Variants in COBL observed in about 807,000 individuals in gnomAD.
The protein encoded by COBL is cordon-bleu WH2 repeat protein, also known as protein cordon-bleu.
COBL carries 51 observed loss-of-function variants against 98.8 expected under a neutral mutation model. The ratio of observed to expected loss-of-function variants is 0.52; its 90% CI spans 0.41 to 0.65. The LOEUF is 0.65. COBL is among the 30% of genes least tolerant of loss of function. COBL has a pLI of 0.00. For missense variants in COBL, 1,617 were observed against 1,617.5 expected, an observed-to-expected ratio of 1.00 and a Z score of 0.01; for synonymous variants, 634 against 651.7, an observed-to-expected ratio of 0.97 and a Z score of 0.41.
At chr7:51,259,711 C>T (rs1356283891) in intron 1 of COBL, 1 of 739,802 alleles carries the variant, frequency 1.4e-6, no homozygotes, top group East Asian at 2.5e-5. Context: ...ATCCACATTT[C>T]AAAATGAGTT....
chr7:51,179,498 G>A (rs959165576), intron 5 of COBL, among the ~76,000 whole-genome samples: 13 of 151,988 alleles, frequency 8.6e-5, no homozygotes, highest in African/African-American at 2.9e-4. Flanking sequence ...GAGCCACCGC[G>A]CCCAGCCAAG....
At chr7:51,287,275 C>A (rs1800455501) in intron 1 of COBL, among the ~76,000 whole-genome samples, 1 of 151,984 alleles carries the variant, frequency 6.6e-6, no homozygotes, top group South Asian at 2.1e-4. Context: ...AAAAACAATC[C>A]CACAGAATAA....
chr7:51,179,441 G>A lies in COBL; in HGVS notation c.783+4661C>T, dbSNP rs530351869. On this transcript the variant is annotated intron_variant, in intron 5 of 12. Coordinates refer to ENST00000265136, the MANE Select transcript of COBL (RefSeq NM_015198.5). ...GGCTGGTCTCAAACTCCTGACCTCA[G>A]GTGATCCACCTGCCTCGGCCTCCCA... 9.9e-5 allele frequency among the ~76,000 whole-genome samples: 15 copies of A among 152,126 alleles called. No individual in the cohort carries two copies. The South Asian group carries it at 2.9e-3, about 30-fold the overall frequency.
At position 51,190,906 on chromosome 7, in the gene COBL, G is replaced by T; in HGVS notation, c.629C>A (p.Ser210Tyr). 1 of 1,614,104 alleles carries T rather than the reference G, an allele frequency of 6.2e-7. No homozygotes were observed. Among genetic ancestry groups the T allele is most frequent in the Non-Finnish European group, 8.5e-7 (1 of 1,180,010 alleles). The change falls in exon 4 of 13, where the codon TCC becomes TAC. Residue 210 changes from serine (S) to tyrosine (Y), a missense_variant. Physicochemically the swap from Ser to Tyr is moderately radical, Grantham distance 144. Transcript: ENST00000265136. ...DNIAGEELEL[S>Y]KSLNELGIKE... ...TATCCCGAGCTCGTTCAGGGACTTG[G>T]ACAGCTCCAGCTCCTCTCCGGCAAT...
chr7:51,188,001 A>G (rs1466019129), intron 4 of COBL: 3 of 1,229,908 alleles, frequency 2.4e-6, no homozygotes, highest in Non-Finnish European at 2.0e-6. Context: ...CAGCTTTGAG[A>G]TGTGTGGGAG....
At position 51,025,148 on chromosome 7, in the gene COBL, G is replaced by T; in HGVS notation, c.3729C>A (p.Asp1243Glu). The change falls in exon 12 of 13, where the codon GAC becomes GAA. Residue 1243 changes from aspartate to glutamate, a missense_variant. Asp to Glu is a conservative substitution (Grantham distance 45, BLOSUM62 2). Coordinates refer to ENST00000265136, the MANE Select transcript of COBL (RefSeq NM_015198.5). ...NTADARQALM[D>E]AIRSGTGAAR... Reference sequence around the variant, plus strand: ...CAGCCCCTGTGCCGGAGCGGATGGCGTCCATCAAGGCTTGCCTTGCGTCTG... The same window carrying T: ...CAGCCCCTGTGCCGGAGCGGATGGCTTCCATCAAGGCTTGCCTTGCGTCTG... The T allele has an allele frequency of 6.2e-7, 1 of 1,611,600 alleles. No individual in the cohort carries two copies. The highest frequency in any genetic ancestry group is 8.5e-7 in the Non-Finnish European group (1 of 1,179,760).
At chr7:51,155,041 ACT>A (rs1466190422) in intron 5 of COBL, among the ~76,000 whole-genome samples, 4 of 152,224 alleles carry the variant, frequency 2.6e-5, no homozygotes, top group African/African-American at 9.6e-5. Flanking sequence ...ATAATAAATG[ACT>A]CTGTCCTCAT....
At chr7:51,107,133 C>T (rs1397308564) in intron 6 of COBL, among the ~76,000 whole-genome samples, 1 of 136,324 alleles carries the variant, frequency 7.3e-6, no homozygotes, top group South Asian at 2.4e-4. Flanking sequence ...CTCACTCTGT[C>T]ACCCAGGCTG....
chr7:51,037,176 G>A (rs1788733329), intron 8 of COBL, among the ~76,000 whole-genome samples: 1 of 152,160 alleles, frequency 6.6e-6, no homozygotes. Flanking sequence ...AAGATGATCA[G>A]AGCTAGATAC....
chr7:51,309,449 T>C (rs1251333678), intron 1 of COBL, among the ~76,000 whole-genome samples: 1 of 152,180 alleles, frequency 6.6e-6, no homozygotes, highest in Non-Finnish European at 1.5e-5. Flanking sequence ...TGTCACTTTA[T>C]GTTCCTCAAA....
intron 5 of COBL, among the ~76,000 whole-genome samples, chr7:51,165,907 C>A (rs1403077515): frequency 6.6e-6 from 1 of 151,898 alleles, no homozygotes; most frequent in East Asian, 1.9e-4. Context: ...TAAAAACCTT[C>A]TTGGAACAAA....
At chr7:51,159,596 T>C (rs1786572944) in intron 5 of COBL, among the ~76,000 whole-genome samples, 1 of 152,336 alleles carries the variant, frequency 6.6e-6, no homozygotes, top group East Asian at 1.9e-4. Context: ...AGTCATGTTT[T>C]AGGGGAACAT....
intron 7 of COBL, chr7:51,065,412 G>A: frequency 1.4e-6 from 1 of 703,082 alleles, no homozygotes; most frequent in South Asian, 1.5e-5. Context: ...TCAGAAGCAA[G>A]CTCAGAAGTC....
chr7:51,030,918 G>A lies in COBL; in HGVS notation c.1407-9C>T. The A allele has an allele frequency of 6.4e-7, 1 of 1,557,092 alleles. No individual in the cohort carries two copies. Among genetic ancestry groups the A allele is most frequent in the Non-Finnish European group, 8.9e-7 (1 of 1,129,192 alleles). On this transcript the variant is annotated splice_polypyrimidine_tract_variant and intron_variant, in intron 8 of 12. Transcript: ENST00000265136. Reference sequence around the variant, plus strand: ...TGACAGCTTTTTCAGTTCTAGGGAAGACCAAAGAGAAAGGAGCACTCATTT... The same window carrying A: ...TGACAGCTTTTTCAGTTCTAGGGAAAACCAAAGAGAAAGGAGCACTCATTT...
chr7:51,278,528 G>A (rs930139455), intron 1 of COBL, among the ~76,000 whole-genome samples: 15 of 152,168 alleles, frequency 9.9e-5, no homozygotes, highest in African/African-American at 3.6e-4. Flanking sequence ...TTACAGGCGT[G>A]TGCCACCACG....
intron 2 of COBL, among the ~76,000 whole-genome samples, chr7:51,214,581 G>A (rs1792838873): frequency 6.6e-6 from 1 of 152,062 alleles, no homozygotes; most frequent in Non-Finnish European, 1.5e-5. Context: ...TCATAATCTA[G>A]AGCCTTCTGT....
At chr7:51,259,850 A>G (rs1220671189) in intron 1 of COBL, 5 of 756,262 alleles carry the variant, frequency 6.6e-6, no homozygotes, top group African/African-American at 3.4e-5. Flanking sequence ...AAGTCTTGCC[A>G]TGGTTCTCTG....
chr7:51,218,850 T>C (rs1030959547), intron 2 of COBL, among the ~76,000 whole-genome samples: 7 of 152,214 alleles, frequency 4.6e-5, no homozygotes, highest in African/African-American at 1.7e-4. Flanking sequence ...CATACAAATA[T>C]GTATGAATGC....
At chr7:51,107,755 C>A (rs1218313077) in intron 6 of COBL, among the ~76,000 whole-genome samples, 1 of 152,142 alleles carries the variant, frequency 6.6e-6, no homozygotes, top group Non-Finnish European at 1.5e-5. Flanking sequence ...CCCTTAGAGG[C>A]ACAGGACAGG....
Sources: allele counts gnomAD v4.1 joint callset (sites outside exome capture counted in the v4.1 genomes callset), GRCh38; gene constraint gnomAD v4.1.1; transcripts MANE v1.5; gene names NCBI Gene and HGNC (gene_info 2026-07-23, HGNC 2026-07-21).